The following PDGFD variants were observed in gnomAD, a reference collection of about 807,000 sequenced individuals.
The protein encoded by PDGFD is platelet derived growth factor D, also known as platelet-derived growth factor D.
In PDGFD, 30 loss-of-function variants were observed where a neutral mutation model predicts 44.7. The observed-to-expected ratio is 0.67, with a 90% confidence interval of 0.50 to 0.91. The LOEUF is 0.91. PDGFD is among the 40% of genes least tolerant of loss of function. The probability of loss-of-function intolerance (pLI) is 0.00; values close to 1 mark genes in which losing one functional copy is unlikely to be tolerated. For missense variants in PDGFD, 445 were observed against 457.8 expected (o/e 0.97, Z 0.25); for synonymous variants, 173 against 168.4 (o/e 1.03, Z -0.21).
At chr11:103,910,788 G>A (rs534942247) in intron 6 of PDGFD, among the ~76,000 whole-genome samples, 1 of 125,392 alleles carries the variant, frequency 8.0e-6, no homozygotes, top group East Asian at 2.4e-4. Context: ...CTGGCTCAGT[G>A]GGTCCCACCC....
chr11:103,990,793 C>T (rs968801394), intron 3 of PDGFD, among the ~76,000 whole-genome samples: 11 of 152,008 alleles, frequency 7.2e-5, no homozygotes, highest in East Asian at 1.9e-4. Flanking sequence ...ATGGGTGTTC[C>T]GAATAGTCAA....
At chr11:103,913,870 C>T (rs1858070320) in intron 6 of PDGFD, among the ~76,000 whole-genome samples, 1 of 152,160 alleles carries the variant, frequency 6.6e-6, no homozygotes, top group Non-Finnish European at 1.5e-5. Context: ...ATTATAAACA[C>T]CTCTATGCAA....
intron 1 of PDGFD, among the ~76,000 whole-genome samples, chr11:104,081,430 T>C (rs1861043755): frequency 6.6e-6 from 1 of 152,172 alleles, no homozygotes; most frequent in South Asian, 2.1e-4. Flanking sequence ...TTCTGAATCA[T>C]CTTTCAGTTT....
At chr11:104,064,512 G>A (rs1860759746) in intron 1 of PDGFD, among the ~76,000 whole-genome samples, 1 of 152,158 alleles carries the variant, frequency 6.6e-6, no homozygotes, top group Admixed American at 6.5e-5. Flanking sequence ...GTACATAGAT[G>A]ACAGTCAAAT....
intron 6 of PDGFD, among the ~76,000 whole-genome samples, chr11:103,918,239 T>A (rs988032165): frequency 2.6e-5 from 4 of 152,204 alleles, no homozygotes; most frequent in African/African-American, 9.7e-5. Flanking sequence ...CTCCTGCAAT[T>A]CTATTGCACT....
intron 6 of PDGFD, among the ~76,000 whole-genome samples, chr11:103,925,785 A>G (rs1858304203): frequency 6.7e-6 from 1 of 148,432 alleles, no homozygotes; most frequent in African/African-American, 2.5e-5. Context: ...CTGGAGTGCA[A>G]TGGCGCGATC....
chr11:104,110,759 G>A (rs1421854625), intron 1 of PDGFD, among the ~76,000 whole-genome samples: 1 of 152,050 alleles, frequency 6.6e-6, no homozygotes, highest in African/African-American at 2.4e-5. Flanking sequence ...GCTTGGTGAT[G>A]GCAGCACCTA....
chr11:103,915,539 GC>G (rs536992079), intron 6 of PDGFD, among the ~76,000 whole-genome samples: 55 of 152,250 alleles, frequency 3.6e-4, no homozygotes, highest in African/African-American at 1.3e-3. Flanking sequence ...TAGATTCAGT[GC>G]TACCCCCATC....
At chr11:104,100,261 A>T (rs537165222) in intron 1 of PDGFD, among the ~76,000 whole-genome samples, 98 of 152,308 alleles carry the variant, frequency 6.4e-4, no homozygotes, top group African/African-American at 2.1e-3. Context: ...AATAGACGCA[A>T]TAAAAAATGA....
At chr11:104,028,359 A>G (rs1860077239) in intron 1 of PDGFD, among the ~76,000 whole-genome samples, 1 of 151,984 alleles carries the variant, frequency 6.6e-6, no homozygotes, top group South Asian at 2.1e-4. Flanking sequence ...ACTGCTAGAT[A>G]AATTTGCTAT....
At chr11:103,972,652 G>A (rs1474130572) in intron 3 of PDGFD, among the ~76,000 whole-genome samples, 1 of 152,140 alleles carries the variant, frequency 6.6e-6, no homozygotes, top group Non-Finnish European at 1.5e-5. Flanking sequence ...TCCTCCTATT[G>A]AGAATATATT....
At chr11:103,988,560 T>A (rs576502924) in intron 3 of PDGFD, among the ~76,000 whole-genome samples, 74 of 152,210 alleles carry the variant, frequency 4.9e-4, no homozygotes, top group African/African-American at 1.6e-3. Flanking sequence ...GCAGCAAGTG[T>A]GGGGTACTTA....
chr11:104,119,615 T>A (rs1210560786), intron 1 of PDGFD, among the ~76,000 whole-genome samples: 1 of 90,434 alleles, frequency 1.1e-5, no homozygotes, highest in Non-Finnish European at 1.9e-5. Flanking sequence ...TAATATAATA[T>A]ATTATGTATT....
At chr11:104,150,483 T>A (rs986235253) in intron 1 of PDGFD, among the ~76,000 whole-genome samples, 4 of 152,200 alleles carry the variant, frequency 2.6e-5, no homozygotes, top group Non-Finnish European at 5.9e-5. Flanking sequence ...GACCCTCTAT[T>A]AGTTTCCTGT....
chr11:104,091,706 TG>T, intron 1 of PDGFD, among the ~76,000 whole-genome samples: 1 of 152,196 alleles, frequency 6.6e-6, no homozygotes, highest in Admixed American at 6.5e-5. Flanking sequence ...GAGCCTACAT[TG>T]TTCCTATAAT....
At chr11:104,099,231 A>G (rs771456212) in intron 1 of PDGFD, among the ~76,000 whole-genome samples, 33 of 152,192 alleles carry the variant, frequency 2.2e-4, no homozygotes, top group Non-Finnish European at 3.8e-4. Context: ...TGTTTTAGTT[A>G]TGCAGTGCTC....
intron 6 of PDGFD, among the ~76,000 whole-genome samples, chr11:103,917,654 A>G (rs553434392): frequency 1.3e-5 from 2 of 152,002 alleles, no homozygotes; most frequent in East Asian, 3.9e-4. Flanking sequence ...AGGTATCATT[A>G]TGCCCACTTT....
intron 1 of PDGFD, among the ~76,000 whole-genome samples, chr11:104,070,614 T>G (rs1275118251): frequency 6.6e-6 from 1 of 152,198 alleles, no homozygotes. Flanking sequence ...TCTGGTAAAA[T>G]CATGCTCCTC....
intron 3 of PDGFD, 125 bp from the exon 4 acceptor site, chr11:103,947,849 T>G: frequency 4.1e-6 from 3 of 730,200 alleles, no homozygotes; most frequent in Non-Finnish European, 7.4e-6. Flanking sequence ...AGGGCTATAT[T>G]CCTGCTGAAC....
Sources: allele counts gnomAD v4.1 joint callset (sites outside exome capture counted in the v4.1 genomes callset), GRCh38; gene constraint gnomAD v4.1.1; transcripts MANE v1.5; gene names NCBI Gene and HGNC (gene_info 2026-07-23, HGNC 2026-07-21).